MDN1: variants seen among roughly 807,000 people sequenced by gnomAD.
MDN1 encodes midasin.
Under a neutral mutation model 669.2 loss-of-function variants are expected in MDN1, and 266 were observed. That is an observed-to-expected ratio of 0.40 (90% CI 0.36 to 0.44). MDN1 has a LOEUF of 0.44. MDN1 is among the 20% of genes least tolerant of loss of function. The pLI is 1.00. For missense variants in MDN1, 5,940 were observed against 6,754.0 expected, an observed-to-expected ratio of 0.88 and a Z score of 4.22; for synonymous variants, 2,385 against 2,457.1, an observed-to-expected ratio of 0.97 and a Z score of 0.87.
intron 15 of MDN1, among the ~76,000 whole-genome samples, chr6:89,764,648 C>T (rs1294354245): frequency 6.6e-6 from 1 of 152,066 alleles, no homozygotes; most frequent in African/African-American, 2.4e-5. Context: ...GAGGAGGGGA[C>T]ATTTGAAGGA....
chr6:89,781,303 A>C, intron 10 of MDN1, 96 bp downstream of exon 10: 1 of 1,251,730 alleles, frequency 8.0e-7, no homozygotes, highest in Non-Finnish European at 1.1e-6. Context: ...GTGAGCCAAA[A>C]CTGCACCACT....
chr6:89,745,840 G>T (rs1816583303), intron 27 of MDN1, among the ~76,000 whole-genome samples: 3 of 152,202 alleles, frequency 2.0e-5, no homozygotes, highest in Non-Finnish European at 2.9e-5. Context: ...ATGAACATGT[G>T]TGTGTCGAAA....
Position 89,737,202 on chromosome 6 carries a change from T to C in MDN1, c.4723+1124A>G, listed in dbSNP as rs141656674. Among the ~76,000 whole-genome samples, 901 of 152,212 alleles carry C rather than the reference T, an allele frequency of 5.9e-3. 9 individuals carry two copies. The highest frequency in any genetic ancestry group is 0.02 in the African/African-American group (811 of 41,522). On this transcript the variant is annotated intron_variant, in intron 33 of 101. Coordinates refer to ENST00000369393, the MANE Select transcript of MDN1 (RefSeq NM_014611.3). ...AAATGTGGCAGTTCACCGTGGGCCA[T>C]TCCTAAAAAGAAGTCTTTGCTCAGA...
chr6:89,692,877 G>A lies in MDN1; in HGVS notation c.10153C>T (p.Arg3385Trp), dbSNP rs142099819. Residue 3385 changes from arginine to tryptophan, a missense_variant, in exon 63 of 102, where the codon CGG becomes TGG. Transcript: ENST00000369393. ...TAGAAGGTGTACTCCTCTGACAGCCGCTTCCGGAACTGGTGGTGTGACTGC... is the reference window on the plus strand; with the variant it reads ...TAGAAGGTGTACTCCTCTGACAGCCACTTCCGGAACTGGTGGTGTGACTGC... ...WQQSHHQFRKRLSEEYTFYPD... is the reference protein window; with the variant it reads ...WQQSHHQFRKWLSEEYTFYPD... 1.2e-5 allele frequency: 19 copies of A among 1,614,234 alleles called. No homozygotes were observed. The highest frequency in any genetic ancestry group is 1.6e-4 in the Middle Eastern group (1 of 6,062).
rs1562030234 is a variant in MDN1 at position 89,648,314 on chromosome 6, A to G, written c.16222T>C (p.Leu5408=). The part of the protein sequence containing the change: ...NHTKQLAFES[L]AVIGNALTLL... Reference sequence around the variant, plus strand: ...GTTAGAGCATTTCCAATCACAGCCAAAGATTCAAATGCAAGCTGTGAATTA... The same window carrying G: ...GTTAGAGCATTTCCAATCACAGCCAGAGATTCAAATGCAAGCTGTGAATTA... The change falls in exon 98 of 102, where the codon TTG becomes CTG. Residue 5408 remains leucine, a synonymous_variant. Transcript: ENST00000369393. The G allele has an allele frequency of 6.2e-7, 1 of 1,614,122 alleles. No homozygotes were observed. The highest frequency in any genetic ancestry group is 1.7e-5 in the Admixed American group (1 of 60,028).
At chr6:89,692,165 T>C (rs1812415395) in intron 63 of MDN1, among the ~76,000 whole-genome samples, 1 of 152,034 alleles carries the variant, frequency 6.6e-6, no homozygotes, top group South Asian at 2.1e-4. Flanking sequence ...CTGGCAAAAT[T>C]ACCAAAAAGG....
intron 29 of MDN1, 68 bp from the exon 30 acceptor site, chr6:89,743,782 C>T (rs1314814983): frequency 1.3e-6 from 2 of 1,524,932 alleles, no homozygotes; most frequent in African/African-American, 2.8e-5. Flanking sequence ...CACCCCCCCT[C>T]AGCAAAAGAG....
intron 59 of MDN1, among the ~76,000 whole-genome samples, chr6:89,697,584 A>ATT (rs778362344): frequency 2.8e-5 from 4 of 142,512 alleles, no homozygotes; most frequent in East Asian, 2.0e-4. Context: ...GAACAACCCT[A>ATT]TTTTTTTTTT....
At chr6:89,793,232 C>G (rs1016186247) in intron 5 of MDN1, among the ~76,000 whole-genome samples, 1 of 152,202 alleles carries the variant, frequency 6.6e-6, no homozygotes, top group Non-Finnish European at 1.5e-5. Context: ...CTAGGCCTGT[C>G]TTTGCCACAG....
chr6:89,788,000 TAA>T, intron 7 of MDN1, 43 bp from the exon 8 acceptor site: 1 of 1,490,582 alleles, frequency 6.7e-7, no homozygotes, highest in Non-Finnish European at 9.3e-7. Context: ...GTAAAGCTAT[TAA>T]GACAGAAATA....
chr6:89,653,878 TA>T (rs1320796261), intron 93 of MDN1, among the ~76,000 whole-genome samples: 1 of 152,254 alleles, frequency 6.6e-6, no homozygotes, highest in African/African-American at 2.4e-5. Context: ...GTAGTAAGTG[TA>T]CTATTCTGGT....
intron 1 of MDN1, among the ~76,000 whole-genome samples, chr6:89,817,949 A>C (rs1363683721): frequency 6.6e-6 from 1 of 152,120 alleles, no homozygotes; most frequent in Non-Finnish European, 1.5e-5. Context: ...GATAACCATA[A>C]AGGTCTCCAG....
At position 89,673,317 on chromosome 6, in the gene MDN1, A is replaced by G; in HGVS notation, c.13393T>C (p.Tyr4465His). The change falls in exon 80 of 102, where the codon TAT becomes CAT. Residue 4465 changes from tyrosine to histidine, a missense_variant. This residue lies in a region of MDN1 where 2,280 missense variants were observed against 2,576.3 expected (regional missense o/e 0.88). Coordinates refer to ENST00000369393, the MANE Select transcript of MDN1 (RefSeq NM_014611.3). ...GCTTTACTAATTTCTCCTCTTACAT[A>G]TTCCAGACTTTCAACTAGTGCCATT... ...SQMALVESLE[Y>H]VRGEISKAMA... 6.2e-7 allele frequency: 1 copy of G among 1,614,154 alleles called. No homozygotes were observed. Among genetic ancestry groups the G allele is most frequent in the Non-Finnish European group, 8.5e-7 (1 of 1,180,024 alleles).
chr6:89,677,470 T>A, intron 76 of MDN1, 100 bp downstream of exon 76: 1 of 1,460,302 alleles, frequency 6.8e-7, no homozygotes, highest in Non-Finnish European at 9.3e-7. Flanking sequence ...CACAGTGGTA[T>A]TGCTATCCCT....
In MDN1 at chr6:89,725,246, C is replaced by G; in HGVS notation, c.5623G>C (p.Gly1875Arg). 6.2e-7 allele frequency: 1 copy of G among 1,614,054 alleles called. No homozygotes were observed. Among genetic ancestry groups the G allele is most frequent in the Non-Finnish European group, 8.5e-7 (1 of 1,179,986 alleles). The part of the protein sequence containing the change: ...FGCQNPFRQG[G>R]GRKGLPRSFL... ...GACCTGGGCAAGCCTTTCCTCCCACCTCCTTGTCTAAAGGGATTCTGACAC... is the reference window on the plus strand; with the variant it reads ...GACCTGGGCAAGCCTTTCCTCCCACGTCCTTGTCTAAAGGGATTCTGACAC... The change falls in exon 38 of 102, where the codon GGT becomes CGT. Residue 1875 changes from glycine to arginine, a missense_variant. Gly to Arg is a moderately radical substitution (Grantham distance 125). Around this residue, in one of 5 missense-constraint regions of MDN1, gnomAD observed 2,292 missense variants for 2,638.3 expected, o/e 0.87. Transcript: ENST00000369393.
chr6:89,714,431 A>G, intron 46 of MDN1, 112 bp downstream of exon 46: 5 of 1,006,264 alleles, frequency 5.0e-6, no homozygotes, highest in Non-Finnish European at 7.2e-6. Context: ...AGCTTTCCTG[A>G]TAATTTCTAT....
intron 10 of MDN1, 63 bp from the exon 11 acceptor site, chr6:89,780,356 C>A: frequency 3.7e-6 from 4 of 1,072,036 alleles, no homozygotes; most frequent in South Asian, 1.7e-5. Flanking sequence ...ACATCAAAGG[C>A]ATCAGAATTT....
At chr6:89,682,699 T>TAAAAACAA (rs1811706414) in intron 73 of MDN1, among the ~76,000 whole-genome samples, 1 of 96,858 alleles carries the variant, frequency 1.0e-5, no homozygotes, top group Non-Finnish European at 2.1e-5. Context: ...GACTCTGTCT[T>TAAAAACAA]AAAAAAAAAA....
At chr6:89,720,816 A>G (rs1318588028) in intron 40 of MDN1, among the ~76,000 whole-genome samples, 1 of 152,214 alleles carries the variant, frequency 6.6e-6, no homozygotes, top group Non-Finnish European at 1.5e-5. Flanking sequence ...GTGTGTAATT[A>G]GATTCTGAAT....
Sources: gnomAD v4.1 joint callset for allele counts (sites outside exome capture counted in the v4.1 genomes callset) on GRCh38, gnomAD v4.1.1 for gene constraint, gnomAD v4.1.1 regional missense constraint, MANE v1.5 for transcripts, NCBI Gene and HGNC (gene_info 2026-07-23, HGNC 2026-07-21) for gene names.